Variants in PREX1 observed in about 807,000 individuals in gnomAD.
The protein encoded by PREX1 is phosphatidylinositol-3,4,5-trisphosphate dependent Rac exchange factor 1.
PREX1 carries 41 observed loss-of-function variants against 198.3 expected under a neutral mutation model. The observed-to-expected ratio is 0.21, with a 90% CI of 0.16 to 0.27. The LOEUF (loss-of-function observed/expected upper bound fraction) is 0.27, where lower values mean the gene tolerates loss of function less well. Among genes scored for constraint, PREX1 ranks in the 10% least tolerant of loss-of-function variants. The pLI, the probability that PREX1 is intolerant of heterozygous loss-of-function variation, is 1.00. For missense variants in PREX1, 1,620 were observed against 2,200.7 expected (o/e 0.74, Z 5.28); for synonymous variants, 843 against 887.2 (o/e 0.95, Z 0.89).
chr20:48,715,093 T>C (rs1350414379), intron 5 of PREX1, among the ~76,000 whole-genome samples: 1 of 152,226 alleles, frequency 6.6e-6, no homozygotes, highest in African/African-American at 2.4e-5. Context: ...CTGAAAACCC[T>C]GGAATCCATA....
At chr20:48,760,103 C>T (rs1328660225) in intron 1 of PREX1, among the ~76,000 whole-genome samples, 1 of 151,490 alleles carries the variant, frequency 6.6e-6, no homozygotes, top group Non-Finnish European at 1.5e-5. Flanking sequence ...CAAAGCAAGA[C>T]CCTGCCTCAA....
At chr20:48,858,363 C>T in the PREX1 span, among the ~76,000 whole-genome samples, 1 of 152,260 alleles carries the variant, frequency 6.6e-6, no homozygotes, top group Non-Finnish European at 1.5e-5. Context: ...TCCTCTCACA[C>T]ACAGGCAGAT....
intron 6 of PREX1, among the ~76,000 whole-genome samples, chr20:48,701,134 G>A (rs1052036546): frequency 2.0e-5 from 3 of 152,214 alleles, no homozygotes; most frequent in Non-Finnish European, 2.9e-5. Context: ...GGGGCTCAGG[G>A]AGGAGTGACT....
intron 1 of PREX1, among the ~76,000 whole-genome samples, chr20:48,751,236 A>T (rs912314989): frequency 2.0e-5 from 3 of 152,154 alleles, no homozygotes. Flanking sequence ...TTCCTAGAGG[A>T]TGTTTTAACA....
intron 1 of PREX1, among the ~76,000 whole-genome samples, chr20:48,811,101 C>T (rs1048387937): frequency 3.3e-5 from 5 of 152,156 alleles, no homozygotes; most frequent in East Asian, 1.9e-4. Context: ...GACACATCTT[C>T]TGATTACTAA....
At chr20:48,793,511 T>C (rs188644338) in intron 1 of PREX1, among the ~76,000 whole-genome samples, 1 of 152,314 alleles carries the variant, frequency 6.6e-6, no homozygotes, top group East Asian at 1.9e-4. Context: ...AAAACCAAGG[T>C]ACAGAGAGAT....
At chr20:48,759,621 A>G (rs2090170615) in intron 1 of PREX1, among the ~76,000 whole-genome samples, 1 of 152,050 alleles carries the variant, frequency 6.6e-6, no homozygotes, top group South Asian at 2.1e-4. Context: ...ATGGGCTCAA[A>G]TCCCAGCTCT....
chr20:48,888,147 A>C, the PREX1 span, among the ~76,000 whole-genome samples: 1 of 152,132 alleles, frequency 6.6e-6, no homozygotes, highest in Non-Finnish European at 1.5e-5. Flanking sequence ...GCAGGGCGAA[A>C]AGCACTTCTT....
chr20:48,876,244 A>C, the PREX1 span, among the ~76,000 whole-genome samples: 1 of 152,032 alleles, frequency 6.6e-6, no homozygotes, highest in Non-Finnish European at 1.5e-5. Context: ...TGCTGTTAAG[A>C]CTGAGGTTGG....
chr20:48,880,724 C>A, the PREX1 span, among the ~76,000 whole-genome samples: 1 of 151,978 alleles, frequency 6.6e-6, no homozygotes, highest in Non-Finnish European at 1.5e-5. Context: ...CCTGATGCCA[C>A]CCCAAATAAA....
intron 1 of PREX1, among the ~76,000 whole-genome samples, chr20:48,780,905 G>T (rs2090286507): frequency 6.6e-6 from 1 of 152,208 alleles, no homozygotes; most frequent in Admixed American, 6.5e-5. Flanking sequence ...TTAATTAAGT[G>T]TTAACATCTC....
intron 1 of PREX1, among the ~76,000 whole-genome samples, chr20:48,759,549 C>CAAAAAAAAAAAAAAAAAAAAAA (rs386393896): frequency 1.4e-5 from 1 of 73,976 alleles, no homozygotes; most frequent in African/African-American, 5.9e-5. Context: ...GATTCCATCT[C>CAAAAAAAAAAAAAAAAAAAAAA]AAAAAAAAAA....
chr20:48,826,629 C>A (rs370183055), intron 1 of PREX1, among the ~76,000 whole-genome samples: 10 of 152,250 alleles, frequency 6.6e-5, no homozygotes, highest in African/African-American at 2.4e-4. Context: ...CCGAGGTCGG[C>A]GGATCACTTG....
intron 3 of PREX1, among the ~76,000 whole-genome samples, chr20:48,742,540 G>C (rs1211019857): frequency 6.6e-6 from 1 of 152,132 alleles, no homozygotes; most frequent in African/African-American, 2.4e-5. Context: ...GAGGATGCCA[G>C]GAAGGCCCCA....
At chr20:48,854,568 T>C in the PREX1 span, among the ~76,000 whole-genome samples, 4 of 151,746 alleles carry the variant, frequency 2.6e-5, no homozygotes, top group East Asian at 7.7e-4. Flanking sequence ...CTCTAAAAAA[T>C]AAAAACTAAA....
intron 1 of PREX1, among the ~76,000 whole-genome samples, chr20:48,790,800 T>C (rs976169240): frequency 2.6e-5 from 4 of 152,130 alleles, no homozygotes; most frequent in African/African-American, 9.7e-5. Context: ...CCACAAGCTG[T>C]GGGTTGCACC....
At chr20:48,804,980 TC>T (rs2090405316) in intron 1 of PREX1, among the ~76,000 whole-genome samples, 1 of 151,548 alleles carries the variant, frequency 6.6e-6, no homozygotes, top group African/African-American at 2.4e-5. Flanking sequence ...GGGACAGAGG[TC>T]AGGGCAAGGA....
the PREX1 span, among the ~76,000 whole-genome samples, chr20:48,836,317 T>G: frequency 1.3e-5 from 2 of 152,114 alleles, no homozygotes; most frequent in African/African-American, 2.4e-5. Flanking sequence ...CTGGGCGAGA[T>G]CACCCAGGGA....
chr20:48,628,926 T>A (rs770007095), intron 37 of PREX1, among the ~76,000 whole-genome samples: 35 of 151,794 alleles, frequency 2.3e-4, no homozygotes, highest in Non-Finnish European at 1.8e-4. Context: ...AAGGAGGAAA[T>A]AAATACCCCA....
Sources: gnomAD v4.1 joint callset for allele counts (sites outside exome capture counted in the v4.1 genomes callset) on GRCh38, gnomAD v4.1.1 for gene constraint, MANE v1.5 for transcripts, NCBI Gene and HGNC (gene_info 2026-07-23, HGNC 2026-07-21) for gene names.